MYO5B: variants seen among roughly 807,000 people sequenced by gnomAD.
MYO5B encodes the protein myosin VB.
A neutral mutation model predicts 229.3 loss-of-function variants in MYO5B; 143 were observed. The ratio of observed to expected loss-of-function variants is 0.62; its 90% CI spans 0.54 to 0.72. The LOEUF is 0.72. Among genes scored for constraint, MYO5B ranks in the 30% least tolerant of loss-of-function variants. The pLI is 0.00. For missense variants in MYO5B, 2,321 were observed against 2,331.0 expected, an observed-to-expected ratio of 1.00 and a Z score of 0.09; for synonymous variants, 918 against 885.2, an observed-to-expected ratio of 1.04 and a Z score of -0.66.
In MYO5B at chr18:49,912,051, G is replaced by A. The variant is rs941416853; in HGVS notation, c.2202+11C>T. ...GTCAGGCCTCTCCTGGAGCTGGGCT[G>A]TGTGGCTCACCTTGATGAGGTTCTC... is the stretch of plus-strand genomic sequence containing the variant. On this transcript the variant is annotated intron_variant, in intron 18 of 39. Coordinates refer to ENST00000285039, the MANE Select transcript of MYO5B (RefSeq NM_001080467.3). 6.2e-7 allele frequency: 1 copy of A among 1,608,836 alleles called. No individual in the cohort carries two copies. Among genetic ancestry groups the A allele is most frequent in the Non-Finnish European group, 8.5e-7 (1 of 1,175,156 alleles).
chr18:49,852,505 T>C (rs1403969076), intron 31 of MYO5B, among the ~76,000 whole-genome samples: 1 of 152,160 alleles, frequency 6.6e-6, no homozygotes, highest in East Asian at 1.9e-4. Flanking sequence ...ACTTTTCCTC[T>C]TGGGATCAAG....
At chr18:50,033,296 C>T (rs576022275) in intron 4 of MYO5B, among the ~76,000 whole-genome samples, 1 of 152,240 alleles carries the variant, frequency 6.6e-6, no homozygotes, top group Admixed American at 6.5e-5. Context: ...CCTAGAGGCC[C>T]TCTTCTTACT....
intron 1 of MYO5B, among the ~76,000 whole-genome samples, chr18:50,114,344 C>G (rs1342766090): frequency 1.3e-5 from 2 of 152,144 alleles, no homozygotes; most frequent in Non-Finnish European, 2.9e-5. Flanking sequence ...AAGGATGTGC[C>G]TGTCTCAACC....
intron 1 of MYO5B, among the ~76,000 whole-genome samples, chr18:50,154,443 G>A (rs187041567): frequency 3.3e-5 from 5 of 152,196 alleles, no homozygotes; most frequent in South Asian, 2.1e-4. Flanking sequence ...TGATTGGTAC[G>A]GGATTTGTCT....
chr18:50,123,117 C>A (rs1170275633), intron 1 of MYO5B, among the ~76,000 whole-genome samples: 1 of 152,228 alleles, frequency 6.6e-6, no homozygotes. Context: ...CTACAACGGA[C>A]TATGTTCTCA....
Position 50,032,855 on chromosome 18 carries a change from C to T in MYO5B, c.455+3995G>A, listed in dbSNP as rs62098918. 5.2e-3 allele frequency among the ~76,000 whole-genome samples: 794 copies of T among 152,162 alleles called. 7 individuals are homozygous for T. Among genetic ancestry groups the T allele is most frequent in the Non-Finnish European group, 9.1e-3 (620 of 68,006 alleles). ...ACAAAAATTTAGCTGGGTGTGGTGG[C>T]AGGTACCTTTAATCCTAGTTACTCG... On this transcript the variant is annotated intron_variant, in intron 4 of 39. Transcript: ENST00000285039.
intron 1 of MYO5B, among the ~76,000 whole-genome samples, chr18:50,141,143 A>G (rs980006197): frequency 6.6e-5 from 10 of 152,170 alleles, no homozygotes; most frequent in African/African-American, 2.4e-4. Context: ...GACAATACTG[A>G]GGACTAGCTA....
rs1463190163 is a variant in MYO5B at position 49,912,163 on chromosome 18, G to A, written c.2101C>T (p.His701Tyr). 3 of 1,613,880 alleles carry A rather than the reference G, an allele frequency of 1.9e-6. No individual in the cohort carries two copies. Among genetic ancestry groups the A allele is most frequent in the African/African-American group, 1.3e-5 (1 of 75,000 alleles). ...ACCCGATACCGGTTGAAAAAGTCAT[G>A]GTAGGCCCACCTGGAGGGAAAGCAA... Reference protein sequence around the residue: ...AAGYPSRWAYHDFFNRYRVLV... With the variant: ...AAGYPSRWAYYDFFNRYRVLV... The change falls in exon 18 of 40, where the codon CAT becomes TAT. Residue 701 changes from histidine (H) to tyrosine (Y), a missense_variant. His to Tyr is a moderately conservative substitution (Grantham distance 83, BLOSUM62 2). Around this residue, in one of 2 missense-constraint regions of MYO5B, gnomAD observed 2,113 missense variants for 2,044.7 expected, o/e 1.03. Coordinates refer to ENST00000285039, the MANE Select transcript of MYO5B (RefSeq NM_001080467.3).
chr18:50,017,229 C>T (rs536863299), intron 4 of MYO5B, among the ~76,000 whole-genome samples: 80 of 152,254 alleles, frequency 5.3e-4, no homozygotes, highest in Non-Finnish European at 7.9e-4. Flanking sequence ...GTGATTCTCC[C>T]GCCTCAGCCT....
At chr18:49,953,937 C>CTATATATATATATA (rs10641448) in intron 13 of MYO5B, among the ~76,000 whole-genome samples, 4 of 135,870 alleles carry the variant, frequency 2.9e-5, no homozygotes, top group Admixed American at 7.4e-5. Flanking sequence ...TGTGTGTAGA[C>CTATATATATATATA]TATATATATA....
chr18:49,911,403 A>G (rs761209387), intron 18 of MYO5B, among the ~76,000 whole-genome samples: 1 of 152,266 alleles, frequency 6.6e-6, no homozygotes, highest in Non-Finnish European at 1.5e-5. Flanking sequence ...CTTTGGTAAC[A>G]GATCTGGCTG....
intron 1 of MYO5B, among the ~76,000 whole-genome samples, chr18:50,135,647 A>G (rs953326608): frequency 6.6e-6 from 1 of 152,198 alleles, no homozygotes; most frequent in Non-Finnish European, 1.5e-5. Flanking sequence ...TAATTTCATC[A>G]TTTTTGGTGT....
intron 32 of MYO5B, among the ~76,000 whole-genome samples, chr18:49,848,768 C>A (rs2024162742): frequency 6.6e-6 from 1 of 152,016 alleles, no homozygotes; most frequent in African/African-American, 2.4e-5. Context: ...GGAGGAATAG[C>A]AAATCCAAAG....
At chr18:50,189,819 A>G (rs1386624068) in intron 1 of MYO5B, among the ~76,000 whole-genome samples, 2 of 152,170 alleles carry the variant, frequency 1.3e-5, no homozygotes, top group African/African-American at 2.4e-5. Flanking sequence ...AGAAACTTAC[A>G]TTACCTGAGG....
rs1488368096 is a variant in MYO5B at position 49,962,252 on chromosome 18, A to G, written c.1545+14T>C. On this transcript the variant is annotated intron_variant, in intron 12 of 39. Transcript: ENST00000285039. ...CTACCCTAGAATTGAACTAATTTGC[A>G]TCATCAGTTTTACCTTACATTCTTC... 1 of 1,614,116 alleles carries G rather than the reference A, an allele frequency of 6.2e-7. No homozygotes were observed. The highest frequency in any genetic ancestry group is 1.7e-5 in the Admixed American group (1 of 60,020).
chr18:50,078,000 T>C (rs1414829797), intron 1 of MYO5B, among the ~76,000 whole-genome samples: 5 of 152,252 alleles, frequency 3.3e-5, no homozygotes, highest in Admixed American at 6.5e-5. Context: ...CCTGGACTTA[T>C]TTCCTTGGAG....
At chr18:50,124,281 A>G (rs1240103516) in intron 1 of MYO5B, among the ~76,000 whole-genome samples, 3 of 152,220 alleles carry the variant, frequency 2.0e-5, no homozygotes, top group African/African-American at 7.2e-5. Context: ...AAACTGTGAG[A>G]TTCTTTCAGA....
intron 1 of MYO5B, among the ~76,000 whole-genome samples, chr18:50,170,635 A>G (rs1277103512): frequency 7.9e-6 from 1 of 126,928 alleles, no homozygotes; most frequent in African/African-American, 3.0e-5. Flanking sequence ...CATTTAACAC[A>G]TAAGAAAAAG....
intron 12 of MYO5B, among the ~76,000 whole-genome samples, chr18:49,956,759 G>A (rs1348336875): frequency 6.6e-6 from 1 of 152,102 alleles, no homozygotes; most frequent in Non-Finnish European, 1.5e-5. Context: ...CTCAGTCCTC[G>A]TCTAGGCAGG....
Sources: allele counts gnomAD v4.1 joint callset (sites outside exome capture counted in the v4.1 genomes callset), GRCh38; gene constraint gnomAD v4.1.1; regional missense constraint gnomAD v4.1.1; transcripts MANE v1.5; gene names NCBI Gene and HGNC (gene_info 2026-07-23, HGNC 2026-07-21).